Variants in ZNF536 observed in about 807,000 individuals in gnomAD.
ZNF536 encodes the protein zinc finger protein 536.
Under a neutral mutation model 84.5 loss-of-function variants are expected in ZNF536, and 13 were observed. The ratio of observed to expected loss-of-function variants is 0.15; its 90% CI spans 0.10 to 0.24. ZNF536 has a LOEUF of 0.24. Ranked by LOEUF, ZNF536 falls within the 10% of genes least tolerant of loss-of-function variation. ZNF536 has a pLI of 1.00. For missense variants in ZNF536, 1,536 were observed against 1,747.5 expected (o/e 0.88, Z 2.16); for synonymous variants, 811 against 742.5 (o/e 1.09, Z -1.50).
chr19:30,575,940 A>G (rs1465160627), intron 1 of ZNF536, among the ~76,000 whole-genome samples: 1 of 152,220 alleles, frequency 6.6e-6, no homozygotes, highest in Non-Finnish European at 1.5e-5. Flanking sequence ...TGTGGCCACA[A>G]GAGCGACTCC....
chr19:30,525,986 C>A (rs2044558526), intron 2 of ZNF536, among the ~76,000 whole-genome samples: 1 of 152,212 alleles, frequency 6.6e-6, no homozygotes, highest in Middle Eastern at 3.2e-3. Flanking sequence ...AGGCTGTTCC[C>A]AGGAGATGGC....
At chr19:30,604,133 C>T (rs1291073796) in intron 1 of ZNF536, among the ~76,000 whole-genome samples, 1 of 152,156 alleles carries the variant, frequency 6.6e-6, no homozygotes, top group Non-Finnish European at 1.5e-5. Flanking sequence ...CAAGGATGCT[C>T]ATCACAGTGT....
At chr19:30,230,301 A>G (rs2022935091) in intron 1 of ZNF536, among the ~76,000 whole-genome samples, 1 of 152,236 alleles carries the variant, frequency 6.6e-6, no homozygotes. Flanking sequence ...AAGTCTCTAA[A>G]ATGCTTTCAC....
chr19:30,648,579 G>A (rs994117207), intron 1 of ZNF536, among the ~76,000 whole-genome samples: 12 of 152,118 alleles, frequency 7.9e-5, no homozygotes, highest in African/African-American at 2.9e-4. Context: ...ATCAGCCAAC[G>A]TTTCCACAGA....
intron 1 of ZNF536, among the ~76,000 whole-genome samples, chr19:30,238,359 TCTGGGGTCTAAGTCTTCA>T (rs1568515780): frequency 6.6e-6 from 1 of 151,812 alleles, no homozygotes; most frequent in African/African-American, 2.4e-5. Flanking sequence ...TATGGAGGGG[TCTGGGGTCTAAGTCTTCA>T]CTAAACAAAT....
In ZNF536 at chr19:30,540,932, G is replaced by A. The variant is rs561839130; in HGVS notation, c.2323+5933G>A. Among the ~76,000 whole-genome samples, 4 of 152,334 alleles carry A rather than the reference G, an allele frequency of 2.6e-5. No homozygotes were observed. In the South Asian group the frequency reaches 8.3e-4, roughly 32 times the overall value. The stretch of plus-strand genomic sequence containing the variant: ...ACTGGCCCCAGGCCAGGCTTCCTTG[G>A]CCCCACGTGCTTGGGTTTCCCCACT... On this transcript the variant is annotated intron_variant, in intron 3 of 4. Coordinates refer to ENST00000355537, the MANE Select transcript of ZNF536 (RefSeq NM_014717.3).
chr19:30,249,672 A>C (rs775170347), intron 1 of ZNF536, among the ~76,000 whole-genome samples: 1 of 152,158 alleles, frequency 6.6e-6, no homozygotes, highest in Non-Finnish European at 1.5e-5. Context: ...AAGCAAAACC[A>C]AAAACCCACA....
At chr19:30,474,256 G>A (rs547469143) in intron 2 of ZNF536, among the ~76,000 whole-genome samples, 2 of 152,094 alleles carry the variant, frequency 1.3e-5, no homozygotes, top group South Asian at 2.1e-4. Flanking sequence ...GGCCTTGGAC[G>A]CCAGGCAAGG....
At chr19:30,282,814 A>AAGAG (rs2045497982) in intron 1 of ZNF536, among the ~76,000 whole-genome samples, 1 of 152,116 alleles carries the variant, frequency 6.6e-6, no homozygotes, top group South Asian at 2.1e-4. Flanking sequence ...TGGTTCAGGG[A>AAGAG]AGAGAGAGAG....
intron 2 of ZNF536, among the ~76,000 whole-genome samples, chr19:30,325,500 C>A (rs1374495611): frequency 6.6e-6 from 1 of 152,128 alleles, no homozygotes; most frequent in Non-Finnish European, 1.5e-5. Flanking sequence ...TGTCTGGGGG[C>A]TGTTTTGGGG....
At chr19:30,317,625 C>G (rs1280730103) in intron 2 of ZNF536, among the ~76,000 whole-genome samples, 1 of 152,190 alleles carries the variant, frequency 6.6e-6, no homozygotes. Context: ...CTTGGGCAGA[C>G]CATTTGCGCC....
At chr19:30,311,557 C>T (rs2046505161) in intron 2 of ZNF536, among the ~76,000 whole-genome samples, 1 of 152,116 alleles carries the variant, frequency 6.6e-6, no homozygotes, top group Admixed American at 6.5e-5. Context: ...TTCCTTTTGC[C>T]ATATCCATAC....
intron 1 of ZNF536, among the ~76,000 whole-genome samples, chr19:30,384,213 TC>T (rs1568378438): frequency 6.7e-5 from 1 of 14,818 alleles, no homozygotes; most frequent in East Asian, 1.2e-3. Flanking sequence ...CCATCCTCCC[TC>T]CCTCCCTCCC....
In ZNF536 at chr19:30,450,041, GA is replaced by G. The variant is rs200453520; in HGVS notation, c.2170+4317del. ...AAAAGAAGAAAAAGAAAAAGAAAAA[GA>G]AAAAAAATTTGAGTTTGAGGATTAA... is the stretch of plus-strand genomic sequence containing the variant. On this transcript the variant is annotated intron_variant, in intron 2 of 4. Coordinates refer to ENST00000355537, the MANE Select transcript of ZNF536 (RefSeq NM_014717.3). Among the ~76,000 whole-genome samples the G allele has an allele frequency of 1.5e-4, 16 of 106,574 alleles. 1 individual carries two copies. In the East Asian group the frequency reaches 2.3e-3, roughly 16 times the overall value. 69.9% of individuals were successfully genotyped at this position (106,574 alleles called of 152,430 possible). A position where few individuals can be genotyped will look rare whatever the true frequency, so the allele number is the denominator to read the frequency against.
intron 1 of ZNF536, among the ~76,000 whole-genome samples, chr19:30,279,737 C>G (rs1437523736): frequency 6.6e-6 from 1 of 152,160 alleles, no homozygotes; most frequent in Admixed American, 6.5e-5. Context: ...CGAGGCATTG[C>G]TTGGGAGCCA....
At chr19:30,284,624 G>A (rs997657980) in intron 2 of ZNF536, among the ~76,000 whole-genome samples, 3 of 152,200 alleles carry the variant, frequency 2.0e-5, no homozygotes, top group East Asian at 3.9e-4. Context: ...AACTCCTGAC[G>A]GGGTGTATTT....
chr19:30,245,103 C>T lies in ZNF536; in HGVS notation c.-190+16430C>T, dbSNP rs193146541. Among the ~76,000 whole-genome samples the T allele has an allele frequency of 1.4e-4, 21 of 152,312 alleles. No individual in the cohort carries two copies. In the East Asian group the frequency reaches 4.1e-3, roughly 29 times the overall value. ...GTCTCCTTTCAGGTCCTCGGACACA[C>T]AGGCTCCATCCCACTTGAGGGCCAT... On this transcript the variant is annotated intron_variant, in intron 1 of 5. Transcript: ENST00000585628.
At chr19:30,299,981 G>A (rs1474518026) in intron 2 of ZNF536, among the ~76,000 whole-genome samples, 2 of 152,088 alleles carry the variant, frequency 1.3e-5, no homozygotes, top group Non-Finnish European at 2.9e-5. Flanking sequence ...GCACAGTTTA[G>A]GATAAAAGGT....
At chr19:30,326,258 G>A (rs1460066915) in intron 2 of ZNF536, among the ~76,000 whole-genome samples, 3 of 152,200 alleles carry the variant, frequency 2.0e-5, no homozygotes, top group South Asian at 2.1e-4. Context: ...GCTTGGCGTC[G>A]CTCTGCCAAT....
Sources: allele counts gnomAD v4.1 joint callset (sites outside exome capture counted in the v4.1 genomes callset), GRCh38; gene constraint gnomAD v4.1.1; transcripts MANE v1.5; gene names NCBI Gene and HGNC (gene_info 2026-07-23, HGNC 2026-07-21).